Variants in LRCH3 observed in about 807,000 individuals in gnomAD.
LRCH3 encodes the protein DISP complex protein LRCH3.
Under a neutral mutation model 104.5 loss-of-function variants are expected in LRCH3, and 68 were observed. That is an observed-to-expected ratio of 0.65 (90% CI 0.54 to 0.80). The LOEUF (loss-of-function observed/expected upper bound fraction) is 0.80, where lower values mean the gene tolerates loss of function less well. Ranked by LOEUF, LRCH3 falls within the 30% of genes least tolerant of loss-of-function variation. LRCH3 has a pLI of 0.00. For missense variants in LRCH3, 951 were observed against 953.9 expected (o/e 1.00, Z 0.04); for synonymous variants, 344 against 361.3 (o/e 0.95, Z 0.54).
chr3:197,797,075 C>T (rs891907381), intron 1 of LRCH3, among the ~76,000 whole-genome samples: 4 of 149,408 alleles, frequency 2.7e-5, no homozygotes, highest in South Asian at 2.1e-4. Context: ...CGCCTGTAAT[C>T]GCAGCACTTT....
chr3:197,845,277 G>C (rs1057001685), intron 10 of LRCH3, among the ~76,000 whole-genome samples: 3 of 151,756 alleles, frequency 2.0e-5, no homozygotes, highest in African/African-American at 7.3e-5. Context: ...CAGGCATGGT[G>C]GTGCACACCT....
intron 20 of LRCH3, among the ~76,000 whole-genome samples, chr3:197,879,395 C>G (rs572299305): frequency 1.3e-5 from 2 of 152,104 alleles, no homozygotes; most frequent in Non-Finnish European, 2.9e-5. Flanking sequence ...GCCTGTAATC[C>G]CAGCACTTTG....
At chr3:197,865,326 A>G in intron 15 of LRCH3, 97 bp from the exon 16 acceptor site, 1 of 815,886 alleles carries the variant, frequency 1.2e-6, no homozygotes, top group Non-Finnish European at 2.0e-6. Flanking sequence ...AAGGAGAGTT[A>G]CCTGTTTTTT....
At position 197,810,538 on chromosome 3, in the gene LRCH3, T is replaced by A. The variant is rs1733008060; in HGVS notation, c.263-4370T>A. ...AACCCAGGGAATTCATTGCTATTGT[T>A]CCTTGAGTCCTGAGGTTCCTAGCCA... On this transcript the variant is annotated intron_variant, in intron 1 of 20. Coordinates refer to ENST00000425562, the MANE Select transcript of LRCH3 (RefSeq NM_001365715.1). This position sits in a 1 kb window ranked among gnomAD's most constrained non-coding sequence, Gnocchi z 4.0. Among the ~76,000 whole-genome samples, 1 of 152,146 alleles carries A rather than the reference T, an allele frequency of 6.6e-6. No homozygotes were observed. Among genetic ancestry groups the A allele is most frequent in the Non-Finnish European group, 1.5e-5 (1 of 68,012 alleles).
intron 5 of LRCH3, 68 bp from the exon 6 acceptor site, chr3:197,829,496 T>A (rs916761002): frequency 7.5e-6 from 7 of 931,790 alleles, no homozygotes; most frequent in Non-Finnish European, 9.9e-6. Flanking sequence ...CATAAAATGT[T>A]GATATGATAA....
At position 197,883,666 on chromosome 3, in the gene LRCH3, A is replaced by C; in HGVS notation, c.2334A>C (p.Ter778CysextTer27). 6.5e-7 allele frequency: 1 copy of C among 1,535,840 alleles called. No homozygotes were observed. Among genetic ancestry groups the C allele is most frequent in the Non-Finnish European group, 8.7e-7 (1 of 1,146,796 alleles). The change falls in exon 21 of 21, where the codon TGA becomes TGC. Residue 778 changes from the stop codon to cysteine (C), a stop_lost. Transcript: ENST00000425562. The surrounding 1 kb of genome is among the most constrained non-coding windows in gnomAD (Gnocchi z 4.2). ...KQQQHQLSAV[*>C] is the part of the protein sequence containing the mutation. ...AGCAGCACCAGTTATCTGCTGTTTG[A>C]GGATCCCCAGGACGGTGGGCACTGG... is the stretch of plus-strand genomic sequence containing the variant.
At chr3:197,797,397 TAGTG>T (rs200071651) in intron 1 of LRCH3, among the ~76,000 whole-genome samples, 1,478 of 147,110 alleles carry the variant, frequency 0.01, 20 homozygotes, top group African/African-American at 0.035. Flanking sequence ...AAGAGAGTCA[TAGTG>T]AGAGTTTATA....
chr3:197,817,264 C>G lies in LRCH3; in HGVS notation c.496C>G (p.Pro166Ala). The G allele has an allele frequency of 3.1e-6, 5 of 1,610,042 alleles. No individual in the cohort carries two copies. The highest frequency in any genetic ancestry group is 4.2e-6 in the Non-Finnish European group (5 of 1,178,332). The part of the protein sequence containing the change: ...IASNNKLVSL[P>A]EEIGHLRHLM... ...TAGTAATAACAAATTGGTGTCACTT[C>G]CAGAAGAAATTGGACACCTTAGACA... The change falls in exon 3 of 21, where the codon CCA (proline) becomes GCA (alanine). Residue 166 changes from proline (P) to alanine (A), a missense_variant. Pro to Ala is a conservative substitution (Grantham distance 27). Transcript: ENST00000425562.
chr3:197,819,954 C>T (rs1734299302), intron 3 of LRCH3, among the ~76,000 whole-genome samples: 1 of 152,184 alleles, frequency 6.6e-6, no homozygotes, highest in South Asian at 2.1e-4. Flanking sequence ...ACGTGATCCA[C>T]CCACCTCGGC....
At chr3:197,882,198 G>T in intron 20 of LRCH3, 1 of 985,408 alleles carries the variant, frequency 1.0e-6, no homozygotes, top group South Asian at 4.7e-5. Flanking sequence ...TGTGAACACC[G>T]GCCGCGCAGG....
rs538815666 is a variant in LRCH3, at chr3:197,803,667, A to G, written c.263-11241A>G. Among the ~76,000 whole-genome samples, 21 of 152,254 alleles carry G rather than the reference A, an allele frequency of 1.4e-4. 1 individual carries two copies. The South Asian group carries it at 4.4e-3, about 32-fold the overall frequency. ...GCCACAGAGTGAGACTGTTTAAAAA[A>G]AAAAAAAGAATTTGCTCCTTTACTC... On this transcript the variant is annotated intron_variant, in intron 1 of 20. Transcript: ENST00000425562.
chr3:197,821,124 A>G (rs1734443496), intron 4 of LRCH3, among the ~76,000 whole-genome samples: 1 of 152,198 alleles, frequency 6.6e-6, no homozygotes. Context: ...TAGTATAATG[A>G]AAAACATTTC....
At chr3:197,881,659 C>T (rs1034253661) in intron 20 of LRCH3, 12 of 985,284 alleles carry the variant, frequency 1.2e-5, no homozygotes, top group African/African-American at 5.2e-5. Flanking sequence ...AGCTGCTAGA[C>T]GTTAATGCTG....
chr3:197,836,535 A>C (rs574751465), intron 9 of LRCH3, among the ~76,000 whole-genome samples: 3 of 152,240 alleles, frequency 2.0e-5, no homozygotes, highest in Non-Finnish European at 4.4e-5. Context: ...TGATTATTTG[A>C]GAAACACTTG....
At chr3:197,826,557 GT>G (rs1312058025) in intron 4 of LRCH3, among the ~76,000 whole-genome samples, 10 of 152,292 alleles carry the variant, frequency 6.6e-5, no homozygotes, top group African/African-American at 2.4e-4. Context: ...GCATTTAACT[GT>G]TCTTTATGTA....
At chr3:197,797,874 CAAAAAAAACAA>C (rs1560516907) in intron 1 of LRCH3, among the ~76,000 whole-genome samples, 6 of 15,776 alleles carry the variant, frequency 3.8e-4, no homozygotes, top group Non-Finnish European at 8.3e-4. Context: ...AAAAAAAAAA[CAAAAAAAACAA>C]AAAAAAAAAC....
intron 19 of LRCH3, among the ~76,000 whole-genome samples, chr3:197,871,996 C>T (rs1480725067): frequency 6.6e-6 from 1 of 152,124 alleles, no homozygotes; most frequent in African/African-American, 2.4e-5. Flanking sequence ...AGGACGTTTA[C>T]CCTAGTACAG....
chr3:197,840,044 A>C (rs1000554422), intron 10 of LRCH3, among the ~76,000 whole-genome samples: 1 of 151,882 alleles, frequency 6.6e-6, no homozygotes, highest in African/African-American at 2.4e-5. Flanking sequence ...TACATTTTTG[A>C]CTGGATAACA....
At chr3:197,841,478 T>G (rs1381392558) in intron 10 of LRCH3, among the ~76,000 whole-genome samples, 1 of 152,194 alleles carries the variant, frequency 6.6e-6, no homozygotes, top group Non-Finnish European at 1.5e-5. Context: ...TTATATTAGG[T>G]CAACCTGGAT....
Sources: gnomAD v4.1 joint callset for allele counts (sites outside exome capture counted in the v4.1 genomes callset) on GRCh38, gnomAD v4.1.1 for gene constraint, Gnocchi (gnomAD v3.1) non-coding constraint, MANE v1.5 for transcripts, NCBI Gene and HGNC (gene_info 2026-07-23, HGNC 2026-07-21) for gene names.